Variants in DGUOK observed in about 807,000 individuals in gnomAD.
DGUOK encodes the protein deoxyguanosine kinase.
Under a neutral mutation model 36.6 loss-of-function variants are expected in DGUOK, and 30 were observed. That is an observed-to-expected ratio of 0.82 (90% CI 0.61 to 1.11). The LOEUF (loss-of-function observed/expected upper bound fraction) is 1.11, where lower values mean the gene tolerates loss of function less well. DGUOK is among the 50% of genes most tolerant of loss of function. DGUOK has a pLI of 0.00. For synonymous variants in DGUOK, 145 were observed against 126.3 expected, an observed-to-expected ratio of 1.15 and a Z score of -0.99; for missense variants, 361 against 336.4, an observed-to-expected ratio of 1.07 and a Z score of -0.57.
chr2:73,942,001 C>G (rs116678323), intron 2 of DGUOK, among the ~76,000 whole-genome samples: 1,693 of 151,718 alleles, frequency 0.011, 15 homozygotes, highest in Non-Finnish European at 0.017. Context: ...CTCTGCCTTC[C>G]GAGTTCAAGC....
At chr2:73,930,778 T>C (rs1398197895) in intron 1 of DGUOK, among the ~76,000 whole-genome samples, 1 of 118,736 alleles carries the variant, frequency 8.4e-6, no homozygotes, top group African/African-American at 3.0e-5. Context: ...TTCGACATAA[T>C]TTTCTTTTTT....
At chr2:73,951,546 A>G (rs1456870325) in intron 4 of DGUOK, among the ~76,000 whole-genome samples, 1 of 152,164 alleles carries the variant, frequency 6.6e-6, no homozygotes, top group Non-Finnish European at 1.5e-5. Context: ...TACTGTTAGA[A>G]GGAAGGAAAG....
intron 3 of DGUOK, among the ~76,000 whole-genome samples, chr2:73,950,140 T>G (rs1248583421): frequency 6.6e-6 from 1 of 151,450 alleles, no homozygotes; most frequent in Admixed American, 6.6e-5. Context: ...TCAGTCCTTG[T>G]ATGAAATTTA....
intron 1 of DGUOK, among the ~76,000 whole-genome samples, chr2:73,930,096 A>G (rs994830042): frequency 2.0e-5 from 3 of 152,210 alleles, no homozygotes; most frequent in African/African-American, 7.2e-5. Context: ...AGCTAGGAGC[A>G]CAATTCATCC....
Position 73,950,689 on chromosome 2 carries a change from G to A in DGUOK, c.548G>A (p.Arg183Gln), listed in dbSNP as rs779549324. 11 of 1,614,010 alleles carry A rather than the reference G, an allele frequency of 6.8e-6. No homozygotes were observed. In the African/African-American group the frequency reaches 8.0e-5, roughly 12 times the overall value. ...HSFLLWEFAS[R>Q]ITLHGFIYLQ... is the part of the protein sequence containing the mutation. ...TTTCTCCTGTGGGAGTTTGCCAGCC[G>A]GATCACATTACATGGCTTCATCTAC... The change falls in exon 4 of 7, where the codon CGG (arginine) becomes CAG (glutamine). Residue 183 changes from arginine (R) to glutamine (Q), a missense_variant. Transcript: ENST00000264093.
chr2:73,946,066 A>AC (rs1397036455), intron 2 of DGUOK, among the ~76,000 whole-genome samples: 1 of 128,484 alleles, frequency 7.8e-6, no homozygotes, highest in African/African-American at 2.9e-5. Context: ...AAAAAAAAAA[A>AC]AAAAAATCCG....
At chr2:73,949,579 C>T (rs554622084) in intron 3 of DGUOK, among the ~76,000 whole-genome samples, 12 of 152,222 alleles carry the variant, frequency 7.9e-5, no homozygotes, top group East Asian at 7.7e-4. Flanking sequence ...ATGTTTCAGC[C>T]AGTATCAGAC....
intron 6 of DGUOK, 69 bp downstream of exon 6, chr2:73,958,314 C>T: frequency 1.6e-6 from 2 of 1,245,596 alleles, no homozygotes; most frequent in Non-Finnish European, 2.3e-6. Context: ...CTGGCCTTTG[C>T]TTCAAAGTTC....
At chr2:73,958,300 C>A in intron 6 of DGUOK, 55 bp downstream of exon 6, 1 of 1,412,098 alleles carries the variant, frequency 7.1e-7, no homozygotes, top group Non-Finnish European at 1.0e-6. Context: ...GTACTTTTAT[C>A]TTTCTGGCCT....
At chr2:73,943,651 GT>G (rs759537449) in intron 2 of DGUOK, among the ~76,000 whole-genome samples, 305 of 141,648 alleles carry the variant, frequency 2.2e-3, no homozygotes, top group Admixed American at 2.6e-3. Flanking sequence ...AGTTATTCAG[GT>G]TTTTTTTTTT....
At chr2:73,930,560 T>G (rs989768421) in intron 1 of DGUOK, among the ~76,000 whole-genome samples, 1 of 152,186 alleles carries the variant, frequency 6.6e-6, no homozygotes, top group Non-Finnish European at 1.5e-5. Flanking sequence ...GGACAGGTCA[T>G]CAGATAAGGT....
At chr2:73,956,248 C>A (rs565342900) in intron 4 of DGUOK, among the ~76,000 whole-genome samples, 90 of 152,224 alleles carry the variant, frequency 5.9e-4, no homozygotes, top group Non-Finnish European at 1.2e-3. Context: ...AGTCTCAAGC[C>A]TCACTTGTTT....
At chr2:73,927,306 A>G (rs543960971) in intron 1 of DGUOK, among the ~76,000 whole-genome samples, 1 of 152,364 alleles carries the variant, frequency 6.6e-6, no homozygotes, top group East Asian at 1.9e-4. Context: ...TGGATAGGAC[A>G]AGAATTGTAT....
intron 3 of DGUOK, among the ~76,000 whole-genome samples, chr2:73,948,169 TCTC>T (rs1682469896): frequency 6.6e-6 from 1 of 152,174 alleles, no homozygotes; most frequent in African/African-American, 2.4e-5. Context: ...TTTCCTCTCT[TCTC>T]TCCCAAGCCA....
intron 1 of DGUOK, among the ~76,000 whole-genome samples, chr2:73,934,364 T>C (rs904638472): frequency 3.3e-5 from 5 of 152,058 alleles, no homozygotes; most frequent in African/African-American, 1.2e-4. Flanking sequence ...TGTGGCAATA[T>C]AACAACAGAG....
intron 1 of DGUOK, among the ~76,000 whole-genome samples, chr2:73,929,738 G>A (rs1680874280): frequency 6.6e-6 from 1 of 152,144 alleles, no homozygotes; most frequent in Non-Finnish European, 1.5e-5. Flanking sequence ...TTAAGTAAAT[G>A]AAGGTCTTTG....
chr2:73,942,992 A>G (rs79107855), intron 2 of DGUOK, among the ~76,000 whole-genome samples: 2,147 of 152,314 alleles, frequency 0.014, 46 homozygotes, highest in African/African-American at 0.047. Flanking sequence ...CATAGATTTA[A>G]TAATGGTACC....
At chr2:73,927,725 A>G (rs1680707912) in intron 1 of DGUOK, among the ~76,000 whole-genome samples, 1 of 152,230 alleles carries the variant, frequency 6.6e-6, no homozygotes, top group Admixed American at 6.5e-5. Flanking sequence ...TTGTTAAAAG[A>G]GTGAGATCCA....
At chr2:73,935,582 A>T (rs1032169756) in intron 1 of DGUOK, among the ~76,000 whole-genome samples, 2 of 152,234 alleles carry the variant, frequency 1.3e-5, no homozygotes, top group African/African-American at 4.8e-5. Context: ...TAAAGTAATT[A>T]TTCCACATCT....
Sources: allele counts gnomAD v4.1 joint callset (sites outside exome capture counted in the v4.1 genomes callset), GRCh38; gene constraint gnomAD v4.1.1; transcripts MANE v1.5; gene names NCBI Gene and HGNC (gene_info 2026-07-23, HGNC 2026-07-21).